The following DNAJC1 variants were observed in gnomAD, a reference collection of about 807,000 sequenced individuals.
The protein encoded by DNAJC1 is DnaJ heat shock protein family (Hsp40) member C1, also known as dnaJ homolog subfamily C member 1.
DNAJC1 carries 58 observed loss-of-function variants against 76.6 expected under a neutral mutation model. The observed-to-expected ratio is 0.76, with a 90% CI of 0.61 to 0.94. The LOEUF (loss-of-function observed/expected upper bound fraction) is 0.94, where lower values mean the gene tolerates loss of function less well. Ranked by LOEUF, DNAJC1 falls within the 40% of genes least tolerant of loss-of-function variation. The probability of loss-of-function intolerance (pLI) is 0.00; values close to 1 mark genes in which losing one functional copy is unlikely to be tolerated. For synonymous variants in DNAJC1, 258 were observed against 267.9 expected (o/e 0.96, Z 0.36); for missense variants, 689 against 677.3 (o/e 1.02, Z -0.19).
intron 1 of DNAJC1, among the ~76,000 whole-genome samples, chr10:21,983,593 G>A (rs1838191550): frequency 6.6e-6 from 1 of 151,978 alleles, no homozygotes; most frequent in South Asian, 2.1e-4. Context: ...GGTGGCACTC[G>A]CCTGTAAATC....
intron 9 of DNAJC1, among the ~76,000 whole-genome samples, chr10:21,804,431 A>G (rs1206071323): frequency 6.6e-6 from 1 of 152,074 alleles, no homozygotes; most frequent in African/African-American, 2.4e-5. Flanking sequence ...CTGTATTAAT[A>G]GCAGCTATGT....
intron 1 of DNAJC1, among the ~76,000 whole-genome samples, chr10:21,968,817 C>G (rs1232158552): frequency 6.6e-6 from 1 of 152,146 alleles, no homozygotes; most frequent in East Asian, 1.9e-4. Flanking sequence ...GCCAACATAT[C>G]TTGAAATTGA....
chr10:21,821,425 T>TA (rs1835157946), intron 8 of DNAJC1, among the ~76,000 whole-genome samples: 1 of 152,240 alleles, frequency 6.6e-6, no homozygotes, highest in Non-Finnish European at 1.5e-5. Context: ...TATAATCTCC[T>TA]AAAGTTTGGG....
At chr10:21,920,667 T>C (rs765065280) in intron 4 of DNAJC1, 131 bp downstream of exon 4, 4 of 699,686 alleles carry the variant, frequency 5.7e-6, no homozygotes, top group Non-Finnish European at 8.4e-6. Flanking sequence ...ATGTCAAACA[T>C]TGAGTATAAA....
chr10:21,974,326 T>A (rs1390170236), intron 1 of DNAJC1, among the ~76,000 whole-genome samples: 1 of 151,812 alleles, frequency 6.6e-6, no homozygotes, highest in Admixed American at 6.6e-5. Flanking sequence ...GTATGGGGAG[T>A]GAAATCAGTA....
chr10:21,994,059 T>C (rs1038321132), intron 1 of DNAJC1, among the ~76,000 whole-genome samples: 4 of 152,260 alleles, frequency 2.6e-5, no homozygotes, highest in Admixed American at 1.3e-4. Context: ...AGAACAGTCC[T>C]CAAGGCAGTC....
intron 8 of DNAJC1, chr10:21,865,920 A>C (rs1223754921): frequency 1.3e-5 from 2 of 152,116 alleles, no homozygotes; most frequent in Non-Finnish European, 2.9e-5. Context: ...GGATCACCTG[A>C]GGTCAGGAGT....
chr10:21,811,424 C>T (rs1438898818), intron 8 of DNAJC1, among the ~76,000 whole-genome samples: 1 of 152,136 alleles, frequency 6.6e-6, no homozygotes, highest in African/African-American at 2.4e-5. Flanking sequence ...TGGAATCTGT[C>T]CAAATTGCAA....
intron 1 of DNAJC1, among the ~76,000 whole-genome samples, chr10:21,993,903 G>T (rs886886757): frequency 2.6e-5 from 4 of 151,774 alleles, no homozygotes; most frequent in African/African-American, 9.7e-5. Flanking sequence ...TATCCTGCGG[G>T]CAAACTTTTT....
chr10:21,787,485 C>T (rs1589980437), intron 9 of DNAJC1, among the ~76,000 whole-genome samples: 1 of 152,012 alleles, frequency 6.6e-6, no homozygotes, highest in Non-Finnish European at 1.5e-5. Flanking sequence ...ACTAGAGACC[C>T]GTAGTGCTCA....
chr10:21,971,538 C>G (rs978979114), intron 1 of DNAJC1, among the ~76,000 whole-genome samples: 4 of 151,788 alleles, frequency 2.6e-5, no homozygotes, highest in African/African-American at 9.6e-5. Context: ...ATAAATGATA[C>G]ATGAAAAACA....
At position 21,963,337 on chromosome 10, in the gene DNAJC1, G is replaced by A. The variant is rs1033478731; in HGVS notation, c.223-34196C>T. 2.6e-5 allele frequency among the ~76,000 whole-genome samples: 4 copies of A among 152,248 alleles called. No individual in the cohort carries two copies. The East Asian group carries it at 5.8e-4, about 22-fold the overall frequency. On this transcript the variant is annotated intron_variant, in intron 1 of 11. Transcript: ENST00000376980. ...CGTTAACACTGTAACACCTACTTGA[G>A]ATAACTGAAGAACAGTTTTACATGC...
intron 8 of DNAJC1, among the ~76,000 whole-genome samples, chr10:21,834,672 T>C (rs577893475): frequency 3.3e-4 from 51 of 152,306 alleles, no homozygotes; most frequent in African/African-American, 1.1e-3. Flanking sequence ...CAGGAGATTA[T>C]ATCCCGCACC....
chr10:21,897,300 T>C (rs188860503), intron 7 of DNAJC1, among the ~76,000 whole-genome samples: 154 of 152,258 alleles, frequency 1.0e-3, no homozygotes, highest in African/African-American at 3.6e-3. Context: ...CAAAGTCCAA[T>C]AATGTAATAT....
Position 21,798,993 on chromosome 10 carries a change from C to A in DNAJC1, c.1098+6987G>T, listed in dbSNP as rs1386195496. 5.9e-5 allele frequency among the ~76,000 whole-genome samples: 9 copies of A among 152,258 alleles called. No homozygotes were observed. The East Asian group carries it at 1.5e-3, about 26-fold the overall frequency. ...GTCATTGTGCACATATGTGCCTGAC[C>A]AACAATCTACTGCTAGAGAAGAAGG... On this transcript the variant is annotated intron_variant, in intron 9 of 11. Coordinates refer to ENST00000376980, the MANE Select transcript of DNAJC1 (RefSeq NM_022365.4).
intron 7 of DNAJC1, among the ~76,000 whole-genome samples, chr10:21,890,906 CT>C (rs1417366955): frequency 6.6e-6 from 1 of 152,064 alleles, no homozygotes; most frequent in Non-Finnish European, 1.5e-5. Flanking sequence ...ATTTAAATTA[CT>C]TGGCTGGGCA....
chr10:21,805,993 C>G lies in DNAJC1; in HGVS notation c.1085G>C (p.Arg362Pro). The G allele has an allele frequency of 6.2e-7, 1 of 1,611,554 alleles. No homozygotes were observed. Among genetic ancestry groups the G allele is most frequent in the Non-Finnish European group, 8.5e-7 (1 of 1,179,538 alleles). Residue 362 changes from arginine to proline, a missense_variant, in exon 9 of 12, where the codon CGA becomes CCA. Transcript: ENST00000376980. ...CAGTGAACTCACATCTGTCACAGAT[C>G]GACCCAATTCGTGGGCAATCTTTTC... Reference protein sequence around the residue: ...RWEKIAHELGRSVTDVTTKAK... With the variant: ...RWEKIAHELGPSVTDVTTKAK...
At chr10:21,765,533 T>C (rs1219228259) in intron 10 of DNAJC1, among the ~76,000 whole-genome samples, 2 of 152,162 alleles carry the variant, frequency 1.3e-5, no homozygotes, top group Admixed American at 1.3e-4. Flanking sequence ...CAGTTAATCT[T>C]GGAGGAAATT....
At chr10:21,896,023 AGTAC>A (rs760191964) in intron 7 of DNAJC1, among the ~76,000 whole-genome samples, 99 of 152,324 alleles carry the variant, frequency 6.5e-4, no homozygotes, top group Middle Eastern at 3.4e-3. Context: ...AGGTGCACAG[AGTAC>A]GTGAGTTGTG....
Sources: allele counts gnomAD v4.1 joint callset (sites outside exome capture counted in the v4.1 genomes callset), GRCh38; gene constraint gnomAD v4.1.1; transcripts MANE v1.5; gene names NCBI Gene and HGNC (gene_info 2026-07-23, HGNC 2026-07-21).